The following ULK4 variants were observed in gnomAD, a reference collection of about 807,000 sequenced individuals.
The protein encoded by ULK4 is unc-51 like kinase 4.
A neutral mutation model predicts 160.6 loss-of-function variants in ULK4; 133 were observed. That is an observed-to-expected ratio of 0.83 (90% confidence interval 0.72 to 0.96). The LOEUF is 0.96. ULK4 is among the 40% of genes least tolerant of loss of function. The probability of loss-of-function intolerance (pLI) is 0.00; values close to 1 mark genes in which losing one functional copy is unlikely to be tolerated. For synonymous variants in ULK4, 534 were observed against 539.8 expected, an observed-to-expected ratio of 0.99 and a Z score of 0.15; for missense variants, 1,580 against 1,499.5, an observed-to-expected ratio of 1.05 and a Z score of -0.89.
chr3:41,876,716 G>T (rs906692025), intron 17 of ULK4, among the ~76,000 whole-genome samples: 6 of 152,110 alleles, frequency 3.9e-5, no homozygotes, highest in African/African-American at 1.4e-4. Flanking sequence ...CAACAAGGAT[G>T]AATTCCATAA....
At chr3:41,546,398 ATTTCAGGCTAGTTTAGCTTT>A (rs2086864465) in intron 32 of ULK4, among the ~76,000 whole-genome samples, 1 of 152,036 alleles carries the variant, frequency 6.6e-6, no homozygotes, top group South Asian at 2.1e-4. Context: ...GTAGCCCTTA[ATTTCAGGCTAGTTTAGCTTT>A]ACTCAGGTGC....
chr3:41,809,187 A>AG, intron 19 of ULK4, among the ~76,000 whole-genome samples: 1 of 147,028 alleles, frequency 6.8e-6, no homozygotes, highest in South Asian at 2.1e-4. Flanking sequence ...AAAAAAAAAA[A>AG]CAAAAAAAAA....
intron 19 of ULK4, among the ~76,000 whole-genome samples, chr3:41,808,131 A>G (rs913932165): frequency 6.6e-6 from 1 of 152,180 alleles, no homozygotes; most frequent in Admixed American, 6.5e-5. Context: ...ATTTGCCCAC[A>G]GAGATAAGCT....
chr3:41,490,716 T>C (rs1286375517), intron 32 of ULK4, among the ~76,000 whole-genome samples: 1 of 152,230 alleles, frequency 6.6e-6, no homozygotes, highest in Non-Finnish European at 1.5e-5. Flanking sequence ...CTTGAGAGTT[T>C]TCTACAATGT....
chr3:41,890,429 C>T (rs574885794), intron 16 of ULK4, among the ~76,000 whole-genome samples: 310 of 152,098 alleles, frequency 2.0e-3, no homozygotes, highest in Non-Finnish European at 3.7e-3. Context: ...CCTGTAATCC[C>T]GGCACTTTGG....
In ULK4 at chr3:41,726,216, T is replaced by C. The variant is rs1000112871; in HGVS notation, c.2322-8355A>G. On this transcript the variant is annotated intron_variant, in intron 22 of 36. Transcript: ENST00000301831. Reference sequence around the variant, plus strand: ...ATCATTTTCAAACACTAGTACAGACTGTTAATACATAAGAAAATATCCATT... The same window carrying C: ...ATCATTTTCAAACACTAGTACAGACCGTTAATACATAAGAAAATATCCATT... Among the ~76,000 whole-genome samples, 3 of 152,208 alleles carry C rather than the reference T, an allele frequency of 2.0e-5. No homozygotes were observed. In the South Asian group the frequency reaches 6.2e-4, roughly 31 times the overall value.
chr3:41,819,991 A>C (rs2041090089), intron 18 of ULK4, among the ~76,000 whole-genome samples: 2 of 152,198 alleles, frequency 1.3e-5, no homozygotes, highest in Admixed American at 1.3e-4. Context: ...ATGAGCAAAT[A>C]AGCGGGTACA....
chr3:41,402,539 C>A (rs1456779562), intron 34 of ULK4, among the ~76,000 whole-genome samples: 1 of 152,124 alleles, frequency 6.6e-6, no homozygotes, highest in Non-Finnish European at 1.5e-5. Context: ...CCCCTCTAAT[C>A]CTAGTTTGAT....
At chr3:41,832,836 G>T (rs559754111) in intron 18 of ULK4, among the ~76,000 whole-genome samples, 1 of 152,274 alleles carries the variant, frequency 6.6e-6, no homozygotes, top group African/African-American at 2.4e-5. Context: ...TTGAAAATCA[G>T]ATGGTTGTAG....
chr3:41,788,800 G>T (rs1193188566), intron 21 of ULK4, among the ~76,000 whole-genome samples: 1 of 152,098 alleles, frequency 6.6e-6, no homozygotes. Context: ...ATTAAAAACT[G>T]GGAAAAATTG....
At chr3:41,814,346 A>G (rs1183928191) in intron 19 of ULK4, among the ~76,000 whole-genome samples, 1 of 151,636 alleles carries the variant, frequency 6.6e-6, no homozygotes, top group Non-Finnish European at 1.5e-5. Flanking sequence ...ACTTTTTATT[A>G]TTGTTTTTAG....
At chr3:41,526,085 C>G (rs978265679) in intron 32 of ULK4, among the ~76,000 whole-genome samples, 2 of 152,180 alleles carry the variant, frequency 1.3e-5, no homozygotes, top group African/African-American at 2.4e-5. Flanking sequence ...TCCTTATCTC[C>G]TTCTCTGTCT....
At chr3:41,629,026 GTCT>G (rs1327378672) in intron 30 of ULK4, among the ~76,000 whole-genome samples, 1 of 152,158 alleles carries the variant, frequency 6.6e-6, no homozygotes, top group Non-Finnish European at 1.5e-5. Context: ...TATTCTGTGT[GTCT>G]TTTTTGAATT....
chr3:41,728,481 T>C (rs543733357), intron 22 of ULK4, among the ~76,000 whole-genome samples: 4 of 152,290 alleles, frequency 2.6e-5, no homozygotes, highest in African/African-American at 9.6e-5. Flanking sequence ...AAGCCATTCA[T>C]GAGGGATCCA....
rs371069374 is a variant in ULK4 at position 41,715,483 on chromosome 3, G to A, written c.2541C>T (p.Pro847=). The A allele has an allele frequency of 1.2e-4, 192 of 1,614,078 alleles. No individual in the cohort carries two copies. The South Asian group carries it at 1.7e-3, about 14-fold the overall frequency. The change falls in exon 24 of 37, where the codon CCC becomes CCT. Residue 847 remains proline, a synonymous_variant. Transcript: ENST00000301831. ...VQVKQLKLCL[P]LMPVVLHLVT... is the part of the protein sequence containing the mutation. ...CGAGGTGAAGCACTACAGGCATCAG[G>A]GGGAGACACAACTTCAGCTGTTTCA...
rs527250110 is a variant in ULK4 at position 41,321,821 on chromosome 3, C to T, written c.3679-72247G>A. 7.6e-5 allele frequency among the ~76,000 whole-genome samples: 11 copies of T among 143,950 alleles called. 1 individual carries two copies. Among genetic ancestry groups the T allele is most frequent in the African/African-American group, 2.4e-4 (9 of 36,764 alleles). 94.4% of individuals were successfully genotyped at this position (143,950 alleles called of 152,430 possible). On this transcript the variant is annotated intron_variant, in intron 35 of 36. Transcript: ENST00000301831. Reference sequence around the variant, plus strand: ...CACTTTAGTAAACACTCTGTGCCTGCGGCCCCTCCCAAGTGTTGGCAGGCC... The same window carrying T: ...CACTTTAGTAAACACTCTGTGCCTGTGGCCCCTCCCAAGTGTTGGCAGGCC...
chr3:41,431,047 T>C (rs994842833), intron 34 of ULK4, among the ~76,000 whole-genome samples: 1 of 152,226 alleles, frequency 6.6e-6, no homozygotes, highest in Non-Finnish European at 1.5e-5. Context: ...GTTATCGTAC[T>C]ACTGAGTAAT....
chr3:41,577,336 A>G (rs1487341248), intron 31 of ULK4, among the ~76,000 whole-genome samples: 1 of 152,172 alleles, frequency 6.6e-6, no homozygotes, highest in Non-Finnish European at 1.5e-5. Flanking sequence ...TTAATTTTTT[A>G]ATTTTTAATT....
In ULK4 at chr3:41,820,719, C is replaced by T. The variant is rs575860951; in HGVS notation, c.1765-1213G>A. ...AGGTAGGATCAGTTGTACCCCAAAC[C>T]GCAGCATCATCCAATCTATTCATGT... On this transcript the variant is annotated intron_variant, in intron 18 of 36. Transcript: ENST00000301831. Among the ~76,000 whole-genome samples, 36 of 152,204 alleles carry T rather than the reference C, an allele frequency of 2.4e-4. 1 individual carries two copies. In the East Asian group the frequency reaches 4.6e-3, roughly 20 times the overall value.
Sources: allele counts gnomAD v4.1 joint callset (sites outside exome capture counted in the v4.1 genomes callset), GRCh38; gene constraint gnomAD v4.1.1; transcripts MANE v1.5; gene names NCBI Gene and HGNC (gene_info 2026-07-23, HGNC 2026-07-21).